GPC6: variants seen among roughly 807,000 people sequenced by gnomAD.
GPC6 encodes the protein glypican 6.
A neutral mutation model predicts 55.2 loss-of-function variants in GPC6; 14 were observed. That is an observed-to-expected ratio of 0.25 (90% CI 0.17 to 0.40). GPC6 has a LOEUF of 0.40. GPC6 is among the 10% of genes least tolerant of loss of function. The probability of loss-of-function intolerance (pLI) is 1.00; values close to 1 mark genes in which losing one functional copy is unlikely to be tolerated. For synonymous variants in GPC6, 278 were observed against 259.6 expected (o/e 1.07, Z -0.68); for missense variants, 641 against 708.5 (o/e 0.90, Z 1.08).
chr13:93,633,099 T>C (rs1326482985), intron 2 of GPC6, among the ~76,000 whole-genome samples: 1 of 152,226 alleles, frequency 6.6e-6, no homozygotes, highest in Admixed American at 6.5e-5. Flanking sequence ...TATGCATTTG[T>C]TGAATTCTGC....
chr13:94,177,892 T>C lies in GPC6; in HGVS notation c.878-108457T>C, dbSNP rs187233720. Among the ~76,000 whole-genome samples the C allele has an allele frequency of 4.0e-3, 615 of 152,298 alleles. 5 individuals carry two copies. The highest frequency in any genetic ancestry group is 0.014 in the African/African-American group (573 of 41,576). On this transcript the variant is annotated intron_variant, in intron 4 of 8. Transcript: ENST00000377047. Reference sequence around the variant, plus strand: ...CTTCCTCTGAATACATATTTGTCCTTAATTTTAAAAAAATACTTTTTATAT... The same window carrying C: ...CTTCCTCTGAATACATATTTGTCCTCAATTTTAAAAAAATACTTTTTATAT...
rs1168320888 is a variant in GPC6 at position 93,368,390 on chromosome 13, G to GTCCTTCCTTCCT, written c.160+140790_160+140801dup. On this transcript the variant is annotated intron_variant, in intron 1 of 8. Transcript: ENST00000377047. ...CTTCCTTCCTTCCTTCCTTCCTTCC[G>GTCCTTCCTTCCT]TCCTTCCTTCCTTCCTTCCTTCCTT... Among the ~76,000 whole-genome samples, 974 of 56,020 alleles carry GTCCTTCCTTCCT rather than the reference G, an allele frequency of 0.017. 88 individuals are homozygous for GTCCTTCCTTCCT. In the East Asian group the frequency reaches 0.26, roughly 15 times the overall value. The allele number at this position is 56,020 out of a possible 152,430, so 36.8% of individuals were successfully genotyped here. A position where few individuals can be genotyped will look rare whatever the true frequency, so the allele number is the denominator to read the frequency against.
At chr13:93,283,255 A>G (rs1878006534) in intron 1 of GPC6, among the ~76,000 whole-genome samples, 1 of 152,190 alleles carries the variant, frequency 6.6e-6, no homozygotes, top group Non-Finnish European at 1.5e-5. Context: ...ATCTTTAGTT[A>G]GCCTTGAACA....
chr13:93,941,972 G>A (rs527748494), intron 3 of GPC6, among the ~76,000 whole-genome samples: 5 of 152,082 alleles, frequency 3.3e-5, no homozygotes, highest in East Asian at 3.9e-4. Flanking sequence ...GAGGTACCTG[G>A]TATACAGAAA....
chr13:94,219,098 T>C (rs1447852715), intron 4 of GPC6, among the ~76,000 whole-genome samples: 1 of 152,178 alleles, frequency 6.6e-6, no homozygotes, highest in East Asian at 1.9e-4. Context: ...ACTTCCTTTT[T>C]CAAATATGTT....
At chr13:93,355,710 G>A (rs1361568213) in intron 1 of GPC6, among the ~76,000 whole-genome samples, 2 of 152,226 alleles carry the variant, frequency 1.3e-5, no homozygotes, top group Non-Finnish European at 2.9e-5. Context: ...GTGCAGCAGT[G>A]TATTGACTGG....
chr13:94,360,412 A>G (rs1159230935), intron 6 of GPC6, among the ~76,000 whole-genome samples: 2 of 152,214 alleles, frequency 1.3e-5, no homozygotes, highest in Non-Finnish European at 2.9e-5. Context: ...TTGGGCAAAT[A>G]GCATTTGATT....
intron 6 of GPC6, among the ~76,000 whole-genome samples, chr13:94,309,906 T>C (rs1876150494): frequency 6.6e-6 from 1 of 152,216 alleles, no homozygotes; most frequent in Admixed American, 6.5e-5. Context: ...CCAGAGATTA[T>C]TGTTTGTACT....
chr13:93,651,311 A>C (rs1880399878), intron 2 of GPC6, among the ~76,000 whole-genome samples: 1 of 152,056 alleles, frequency 6.6e-6, no homozygotes. Context: ...CTAGATTCTA[A>C]AAAATTTGCT....
intron 3 of GPC6, among the ~76,000 whole-genome samples, chr13:93,938,794 C>G (rs142074172): frequency 6.6e-6 from 1 of 152,036 alleles, no homozygotes; most frequent in Non-Finnish European, 1.5e-5. Context: ...GAGTCCTAAC[C>G]GAGTTGTAAT....
intron 6 of GPC6, among the ~76,000 whole-genome samples, chr13:94,374,144 A>C (rs1879722806): frequency 6.6e-6 from 1 of 151,804 alleles, no homozygotes; most frequent in South Asian, 2.1e-4. Context: ...GACTAGGAAG[A>C]AACTGCATCA....
intron 1 of GPC6, among the ~76,000 whole-genome samples, chr13:93,434,258 G>A (rs1441390580): frequency 6.6e-6 from 1 of 152,138 alleles, no homozygotes; most frequent in Admixed American, 6.5e-5. Flanking sequence ...TGTTGTTTCG[G>A]TTCAGCTACT....
chr13:94,072,176 T>C (rs983456333), intron 4 of GPC6, among the ~76,000 whole-genome samples: 1 of 152,244 alleles, frequency 6.6e-6, no homozygotes, highest in African/African-American at 2.4e-5. Context: ...ATTGTGCAAC[T>C]GATAGTTTAC....
chr13:93,364,666 C>T (rs1881175663), intron 1 of GPC6, among the ~76,000 whole-genome samples: 4 of 149,726 alleles, frequency 2.7e-5, no homozygotes. Flanking sequence ...GGGTCAGGCA[C>T]ACAAATATGT....
chr13:93,317,369 C>G (rs7338914), intron 1 of GPC6, among the ~76,000 whole-genome samples: 92,325 of 151,794 alleles, frequency 0.61, 28,402 homozygotes, highest in East Asian at 0.77. Flanking sequence ...AGAGATTTGA[C>G]GAAAGCTCTG....
At chr13:93,829,382 C>T (rs1887397573) in intron 2 of GPC6, among the ~76,000 whole-genome samples, 2 of 152,068 alleles carry the variant, frequency 1.3e-5, no homozygotes, top group South Asian at 2.1e-4. Context: ...ATAAGGGATC[C>T]CAGTAACACT....
intron 6 of GPC6, among the ~76,000 whole-genome samples, chr13:94,377,726 G>A (rs1879951385): frequency 6.6e-6 from 1 of 152,230 alleles, no homozygotes; most frequent in South Asian, 2.1e-4. Context: ...AAATCATGCT[G>A]CTATAAAGAC....
At chr13:93,730,425 A>G (rs1883781602) in intron 2 of GPC6, among the ~76,000 whole-genome samples, 1 of 152,174 alleles carries the variant, frequency 6.6e-6, no homozygotes, top group South Asian at 2.1e-4. Flanking sequence ...GCAAAACTCT[A>G]CAAATGTCCT....
intron 3 of GPC6, among the ~76,000 whole-genome samples, chr13:93,910,018 G>A (rs1388178431): frequency 1.3e-5 from 2 of 151,932 alleles, no homozygotes; most frequent in African/African-American, 4.8e-5. Flanking sequence ...GAATTCAGGG[G>A]AAGAATCAAT....
Sources: allele counts gnomAD v4.1 joint callset (sites outside exome capture counted in the v4.1 genomes callset), GRCh38; gene constraint gnomAD v4.1.1; transcripts MANE v1.5; gene names NCBI Gene and HGNC (gene_info 2026-07-23, HGNC 2026-07-21).